Variants in WASF1 observed in about 807,000 individuals in gnomAD.
WASF1 encodes the protein actin-binding protein WASF1.
In WASF1, 7 loss-of-function variants were observed where a neutral mutation model predicts 50.5. That is an observed-to-expected ratio of 0.14 (90% CI 0.08 to 0.26). WASF1 has a LOEUF of 0.26. Among genes scored for constraint, WASF1 ranks in the 10% least tolerant of loss-of-function variants. The probability of loss-of-function intolerance (pLI) is 1.00; values close to 1 mark genes in which losing one functional copy is unlikely to be tolerated. For missense variants in WASF1, 470 were observed against 694.7 expected, an observed-to-expected ratio of 0.68 and a Z score of 3.64; for synonymous variants, 205 against 244.0, an observed-to-expected ratio of 0.84 and a Z score of 1.49.
intron 3 of WASF1, among the ~76,000 whole-genome samples, chr6:110,134,133 G>A (rs1774831922): frequency 6.6e-6 from 1 of 151,820 alleles, no homozygotes; most frequent in African/African-American, 2.4e-5. Context: ...GTCAGGCTGG[G>A]TCTCGAACTC....
At chr6:110,119,291 A>AG (rs1270485526) in intron 4 of WASF1, among the ~76,000 whole-genome samples, 8 of 152,342 alleles carry the variant, frequency 5.3e-5, no homozygotes, top group African/African-American at 1.9e-4. Flanking sequence ...ATAGACCGCT[A>AG]GCAAGACTAA....
At chr6:110,115,635 A>G (rs1773771637) in intron 4 of WASF1, among the ~76,000 whole-genome samples, 1 of 152,220 alleles carries the variant, frequency 6.6e-6, no homozygotes, top group Non-Finnish European at 1.5e-5. Context: ...GATCATAAGG[A>G]CATTTAAGAC....
intron 3 of WASF1, among the ~76,000 whole-genome samples, chr6:110,131,187 T>C (rs1165713577): frequency 1.3e-5 from 2 of 152,224 alleles, no homozygotes; most frequent in Non-Finnish European, 2.9e-5. Context: ...ATATTCTCAA[T>C]CTTTTCAAGT....
At chr6:110,128,011 G>C (rs562084201) in intron 3 of WASF1, among the ~76,000 whole-genome samples, 1 of 151,992 alleles carries the variant, frequency 6.6e-6, no homozygotes, top group East Asian at 1.9e-4. Flanking sequence ...TCTCGGTAAG[G>C]CTTCTGGTCA....
At chr6:110,166,519 C>T (rs1225564057) in intron 2 of WASF1, among the ~76,000 whole-genome samples, 2 of 151,848 alleles carry the variant, frequency 1.3e-5, no homozygotes, top group African/African-American at 2.4e-5. Flanking sequence ...TTTAGTGTTA[C>T]ATTCATTAAA....
intron 4 of WASF1, among the ~76,000 whole-genome samples, chr6:110,120,592 G>C (rs1369617885): frequency 6.6e-6 from 1 of 152,086 alleles, no homozygotes; most frequent in Non-Finnish European, 1.5e-5. Context: ...AATCAATACC[G>C]TGAAAATGGC....
At chr6:110,158,593 T>C (rs1776125415) in intron 3 of WASF1, among the ~76,000 whole-genome samples, 1 of 151,976 alleles carries the variant, frequency 6.6e-6, no homozygotes. Context: ...TACAATCTTA[T>C]ATAAAAGGAG....
intron 4 of WASF1, among the ~76,000 whole-genome samples, chr6:110,121,918 A>G (rs1425239697): frequency 2.0e-5 from 3 of 152,086 alleles, no homozygotes; most frequent in Non-Finnish European, 2.9e-5. Flanking sequence ...ATCATTCTAA[A>G]AAAACTATCA....
chr6:110,101,930 C>G lies in WASF1; in HGVS notation c.1180G>C (p.Val394Leu). ...CTAGCTACTGGTGGAGAGGGCTGTACTAGAGGAGGTGCAATTGGAGGAGGA... is the reference window on the plus strand; with the variant it reads ...CTAGCTACTGGTGGAGAGGGCTGTAGTAGAGGAGGTGCAATTGGAGGAGGA... ...PAPPPIAPPL[V>L]QPSPPVARAA... The change falls in exon 10 of 11, where the codon GTA (valine) becomes CTA (leucine). Residue 394 changes from valine to leucine, a missense_variant. Physicochemically the swap from Val to Leu is conservative, Grantham distance 32. This residue lies in a region of WASF1 where 294 missense variants were observed against 343.5 expected (regional missense o/e 0.86). Transcript: ENST00000392589. 1 of 1,609,630 alleles carries G rather than the reference C, an allele frequency of 6.2e-7. No individual in the cohort carries two copies.
chr6:110,179,217 C>A (rs1777089642), intron 1 of WASF1, among the ~76,000 whole-genome samples: 1 of 152,062 alleles, frequency 6.6e-6, no homozygotes, highest in Non-Finnish European at 1.5e-5. Context: ...CAGGCGCGCC[C>A]GCCGCCGTCT....
At chr6:110,120,348 G>A (rs1484078726) in intron 4 of WASF1, among the ~76,000 whole-genome samples, 1 of 152,100 alleles carries the variant, frequency 6.6e-6, no homozygotes, top group Non-Finnish European at 1.5e-5. Flanking sequence ...GAAGTCTCAG[G>A]ATACAAAATC....
intron 4 of WASF1, among the ~76,000 whole-genome samples, chr6:110,124,290 A>G (rs1343460086): frequency 4.9e-5 from 5 of 101,754 alleles, no homozygotes; most frequent in African/African-American, 2.2e-4. Context: ...ATATATATAT[A>G]TATATATATA....
intron 3 of WASF1, among the ~76,000 whole-genome samples, chr6:110,134,423 T>C (rs890112544): frequency 2.9e-4 from 34 of 115,514 alleles, no homozygotes; most frequent in African/African-American, 1.2e-3. Context: ...CTATGTGCCC[T>C]TTTTTTTTTT....
intron 3 of WASF1, among the ~76,000 whole-genome samples, chr6:110,153,257 A>G (rs968158443): frequency 6.6e-6 from 1 of 152,192 alleles, no homozygotes; most frequent in Non-Finnish European, 1.5e-5. Flanking sequence ...TAACCATTTT[A>G]CATTTCCACC....
intron 3 of WASF1, among the ~76,000 whole-genome samples, chr6:110,140,265 G>A (rs1287836967): frequency 6.6e-6 from 1 of 152,186 alleles, no homozygotes; most frequent in African/African-American, 2.4e-5. Context: ...GGAGGTTCCT[G>A]GAAAGTGGTA....
At chr6:110,136,772 G>A (rs905077815) in intron 3 of WASF1, among the ~76,000 whole-genome samples, 4 of 152,070 alleles carry the variant, frequency 2.6e-5, no homozygotes, top group Non-Finnish European at 4.4e-5. Flanking sequence ...AACTTAGTTT[G>A]TTAATATCTG....
At chr6:110,165,295 ACT>A (rs1376852443) in intron 2 of WASF1, among the ~76,000 whole-genome samples, 1 of 151,636 alleles carries the variant, frequency 6.6e-6, no homozygotes, top group African/African-American at 2.4e-5. Context: ...ATATATGGGA[ACT>A]CTCTGTACTT....
intron 3 of WASF1, among the ~76,000 whole-genome samples, chr6:110,146,170 TTAAA>T (rs1463878408): frequency 1.3e-5 from 2 of 152,276 alleles, no homozygotes; most frequent in African/African-American, 4.8e-5. Context: ...CAATACAGTA[TTAAA>T]TACTTATTCA....
intron 4 of WASF1, among the ~76,000 whole-genome samples, chr6:110,126,657 ACC>A (rs1774431716): frequency 6.6e-6 from 1 of 152,238 alleles, no homozygotes; most frequent in South Asian, 2.1e-4. Context: ...TGCCAAGAAC[ACC>A]TTGTTTCACC....
Sources: gnomAD v4.1 joint callset for allele counts (sites outside exome capture counted in the v4.1 genomes callset) on GRCh38, gnomAD v4.1.1 for gene constraint, gnomAD v4.1.1 regional missense constraint, MANE v1.5 for transcripts, NCBI Gene and HGNC (gene_info 2026-07-23, HGNC 2026-07-21) for gene names.